ADGRV1: variants seen among roughly 807,000 people sequenced by gnomAD.
ADGRV1 encodes the protein G-protein coupled receptor 98.
A neutral mutation model predicts 596.2 loss-of-function variants in ADGRV1; 359 were observed. That is an observed-to-expected ratio of 0.60 (90% CI 0.55 to 0.66). The LOEUF (loss-of-function observed/expected upper bound fraction) is 0.66, where lower values mean the gene tolerates loss of function less well. Among genes scored for constraint, ADGRV1 ranks in the 30% least tolerant of loss-of-function variants. The pLI, the probability that ADGRV1 is intolerant of heterozygous loss-of-function variation, is 0.00. For synonymous variants in ADGRV1, 2,681 were observed against 2,679.2 expected, an observed-to-expected ratio of 1.00 and a Z score of -0.02; for missense variants, 7,274 against 7,575.6, an observed-to-expected ratio of 0.96 and a Z score of 1.48.
chr5:90,810,808 C>T lies in ADGRV1; in HGVS notation c.15548C>T (p.Thr5183Ile). 6.2e-7 allele frequency: 1 copy of T among 1,614,028 alleles called. No homozygotes were observed. Among genetic ancestry groups the T allele is most frequent in the Non-Finnish European group, 8.5e-7 (1 of 1,179,896 alleles). Reference sequence around the variant, plus strand: ...GTGGTTGCCATTGTTACTGAGGCAACTGGTGTATCTGCCATCCCTGAGAAA... The same window carrying T: ...GTGGTTGCCATTGTTACTGAGGCAATTGGTGTATCTGCCATCCCTGAGAAA... Reference protein sequence around the residue: ...TNVVAIVTEATGVSAIPEKLV... With the variant: ...TNVVAIVTEAIGVSAIPEKLV... The change falls in exon 74 of 90, where the codon ACT (threonine) becomes ATT (isoleucine). Residue 5183 changes from threonine (T) to isoleucine (I), a missense_variant. Physicochemically the swap from Thr to Ile is moderately conservative, Grantham distance 89. This residue lies in a region of ADGRV1 where 1,874 missense variants were observed against 1,970.2 expected (regional missense o/e 0.95). Transcript: ENST00000405460.
intron 77 of ADGRV1, among the ~76,000 whole-genome samples, chr5:90,833,204 A>G (rs1298402764): frequency 3.9e-5 from 6 of 152,050 alleles, no homozygotes; most frequent in African/African-American, 1.4e-4. Context: ...CATGTTAACA[A>G]TACTGATTCT....
chr5:90,985,421 T>A lies in ADGRV1; in HGVS notation c.18051T>A (p.Ser6017Arg). The A allele has an allele frequency of 6.2e-7, 1 of 1,613,756 alleles. No homozygotes were observed. Residue 6017 changes from serine to arginine, a missense_variant, in exon 85 of 90, where the codon AGT (serine) becomes AGA (arginine). Coordinates refer to ENST00000405460, the MANE Select transcript of ADGRV1 (RefSeq NM_032119.4). The stretch of plus-strand genomic sequence containing the variant: ...GATATCTGCTGTTTTTCCTTCTGAG[T>A]TGGGGACTACCAGCTTTTGTGGTGA... Reference protein sequence around the residue: ...ERRYLLFFLLSWGLPAFVVIL... With the variant: ...ERRYLLFFLLRWGLPAFVVIL...
intron 85 of ADGRV1, among the ~76,000 whole-genome samples, chr5:91,007,203 C>A (rs1198272415): frequency 6.6e-6 from 1 of 152,200 alleles, no homozygotes. Context: ...CACTCCTGAC[C>A]CTGGAAGGGG....
intron 70 of ADGRV1, among the ~76,000 whole-genome samples, chr5:90,798,449 A>G (rs1760990349): frequency 6.6e-6 from 1 of 152,170 alleles, no homozygotes; most frequent in Non-Finnish European, 1.5e-5. Flanking sequence ...CTACCAACCA[A>G]AAAAAGTCCA....
chr5:91,045,983 G>A (rs564162768), intron 85 of ADGRV1, among the ~76,000 whole-genome samples: 1 of 152,188 alleles, frequency 6.6e-6, no homozygotes, highest in African/African-American at 2.4e-5. Context: ...CCTCTAGAAG[G>A]AAAACTACAA....
intron 85 of ADGRV1, among the ~76,000 whole-genome samples, chr5:90,998,086 A>C (rs546074334): frequency 6.6e-6 from 1 of 152,214 alleles, no homozygotes; most frequent in African/African-American, 2.4e-5. Context: ...TATTATTTAC[A>C]TCATTTCCAT....
intron 83 of ADGRV1, among the ~76,000 whole-genome samples, chr5:90,902,038 C>T (rs1176965909): frequency 7.2e-5 from 11 of 152,008 alleles, no homozygotes; most frequent in Middle Eastern, 3.4e-3. Flanking sequence ...AGTGGGGAGA[C>T]GAGGTTTCAA....
At position 90,840,562 on chromosome 5, in the gene ADGRV1, GTTGT is replaced by G; in HGVS notation, c.16612-13_16612-10del. 1 of 1,565,100 alleles carries G rather than the reference GTTGT, an allele frequency of 6.4e-7. No homozygotes were observed. The highest frequency in any genetic ancestry group is 8.7e-7 in the Non-Finnish European group (1 of 1,155,032). On this transcript the variant is annotated splice_polypyrimidine_tract_variant and intron_variant, in intron 77 of 89. Coordinates refer to ENST00000405460, the MANE Select transcript of ADGRV1 (RefSeq NM_032119.4). Reference sequence around the variant, plus strand: ...GGTGTCATAGATTCACTTAAATGGTGTTGTTTAATTTCTAGGAGTTGAGGAGTGC... The same window carrying G: ...GGTGTCATAGATTCACTTAAATGGTGTTAATTTCTAGGAGTTGAGGAGTGC...
Position 90,807,715 on chromosome 5 carries a change from G to A in ADGRV1, c.14950G>A (p.Ala4984Thr). Residue 4984 changes from alanine to threonine, a missense_variant, in exon 73 of 90, where the codon GCT (alanine) becomes ACT (threonine). This residue lies in a region of ADGRV1 where 1,874 missense variants were observed against 1,970.2 expected (regional missense o/e 0.95). Coordinates refer to ENST00000405460, the MANE Select transcript of ADGRV1 (RefSeq NM_032119.4). ...VLHLSGVQSS[A>T]PGGAQLRSGF... The stretch of plus-strand genomic sequence containing the variant: ...TCACCTATCAGGAGTGCAGAGCAGT[G>A]CTCCTGGCGGAGCTCAACTCCGGTA... The A allele has an allele frequency of 6.4e-7, 1 of 1,565,530 alleles. No individual in the cohort carries two copies. The highest frequency in any genetic ancestry group is 1.2e-5 in the South Asian group (1 of 83,762).
At chr5:90,711,611 T>G (rs555704475) in intron 41 of ADGRV1, among the ~76,000 whole-genome samples, 65 of 152,188 alleles carry the variant, frequency 4.3e-4, no homozygotes, top group Non-Finnish European at 7.5e-4. Flanking sequence ...ATTAAAGAAT[T>G]TATATCATTA....
At chr5:90,675,831 A>C (rs1228433276) in intron 24 of ADGRV1, among the ~76,000 whole-genome samples, 1 of 152,090 alleles carries the variant, frequency 6.6e-6, no homozygotes, top group African/African-American at 2.4e-5. Flanking sequence ...AGAAAAGAAA[A>C]GAAAGAAAGA....
At chr5:90,770,346 C>T (rs527314700) in intron 59 of ADGRV1, among the ~76,000 whole-genome samples, 11 of 152,224 alleles carry the variant, frequency 7.2e-5, no homozygotes, top group African/African-American at 2.2e-4. Flanking sequence ...CCTCCCATGA[C>T]GTGGGGATTA....
At chr5:91,102,005 C>G (rs1422359875) in intron 86 of ADGRV1, among the ~76,000 whole-genome samples, 1 of 152,114 alleles carries the variant, frequency 6.6e-6, no homozygotes, top group African/African-American at 2.4e-5. Context: ...TCATCCTCCC[C>G]CAGCCATCCC....
At chr5:91,065,134 A>T (rs1787776545) in intron 85 of ADGRV1, among the ~76,000 whole-genome samples, 1 of 152,238 alleles carries the variant, frequency 6.6e-6, no homozygotes, top group African/African-American at 2.4e-5. Flanking sequence ...TAAATGGTGA[A>T]CAATTCTTGA....
At chr5:91,006,935 A>G (rs1381013117) in intron 85 of ADGRV1, among the ~76,000 whole-genome samples, 1 of 152,142 alleles carries the variant, frequency 6.6e-6, no homozygotes, top group Non-Finnish European at 1.5e-5. Context: ...ATTGCCAACA[A>G]TGACTTCATG....
rs1194831251 is a variant in ADGRV1 at position 90,925,983 on chromosome 5, C to T, written c.17857-39432C>T. Among the ~76,000 whole-genome samples the T allele has an allele frequency of 6.1e-5, 8 of 130,614 alleles. No individual in the cohort carries two copies. The South Asian group carries it at 2.3e-3, about 37-fold the overall frequency. The allele number at this position is 130,614 out of a possible 152,430, so 85.7% of individuals were successfully genotyped here. A position where few individuals can be genotyped will look rare whatever the true frequency, so the allele number is the denominator to read the frequency against. On this transcript the variant is annotated intron_variant, in intron 83 of 89. Coordinates refer to ENST00000405460, the MANE Select transcript of ADGRV1 (RefSeq NM_032119.4). ...AGCCTTGCATCCCAGGGATGAAGCC[C>T]ACTTGATCATGGTGGATAAGCTTTT...
At chr5:90,612,058 A>T (rs1055106298) in intron 1 of ADGRV1, among the ~76,000 whole-genome samples, 1 of 152,042 alleles carries the variant, frequency 6.6e-6, no homozygotes, top group African/African-American at 2.4e-5. Flanking sequence ...GGCATTTCCA[A>T]TCATGCCTGT....
chr5:91,029,286 G>A (rs1480646692), intron 85 of ADGRV1, among the ~76,000 whole-genome samples: 2 of 152,166 alleles, frequency 1.3e-5, no homozygotes, highest in African/African-American at 4.8e-5. Flanking sequence ...TGTTTTAGAT[G>A]TGATTCCAAA....
At chr5:90,723,923 C>G (rs369984128) in intron 45 of ADGRV1, among the ~76,000 whole-genome samples, 2 of 150,056 alleles carry the variant, frequency 1.3e-5, no homozygotes, top group Non-Finnish European at 1.5e-5. Context: ...TATTTTTGCC[C>G]TTTTTTTTTC....
Sources: gnomAD v4.1 joint callset for allele counts (sites outside exome capture counted in the v4.1 genomes callset) on GRCh38, gnomAD v4.1.1 for gene constraint, gnomAD v4.1.1 regional missense constraint, MANE v1.5 for transcripts, NCBI Gene and HGNC (gene_info 2026-07-23, HGNC 2026-07-21) for gene names.